Variants in SH3D19 observed in about 807,000 individuals in gnomAD.
SH3D19 encodes the protein SH3 domain containing 19.
Under a neutral mutation model 112.1 loss-of-function variants are expected in SH3D19, and 58 were observed. That is an observed-to-expected ratio of 0.52 (90% CI 0.42 to 0.64). SH3D19 has a LOEUF of 0.64. Among genes scored for constraint, SH3D19 ranks in the 30% least tolerant of loss-of-function variants. The probability of loss-of-function intolerance (pLI) is 0.00; values close to 1 mark genes in which losing one functional copy is unlikely to be tolerated. For missense variants in SH3D19, 1,090 were observed against 1,263.4 expected (o/e 0.86, Z 2.08); for synonymous variants, 391 against 448.5 (o/e 0.87, Z 1.62).
intron 4 of SH3D19, 118 bp from the exon 5 acceptor site, chr4:151,177,073 C>G: frequency 1.1e-6 from 1 of 879,800 alleles, no homozygotes; most frequent in Admixed American, 4.3e-5. Flanking sequence ...AGAACTAACA[C>G]AGTCACAGAA....
chr4:151,266,758 T>G (rs1181700449), intron 1 of SH3D19, among the ~76,000 whole-genome samples: 1 of 152,230 alleles, frequency 6.6e-6, no homozygotes, highest in African/African-American at 2.4e-5. Flanking sequence ...GTGAATTCTC[T>G]GGATAACATG....
chr4:151,280,234 A>G (rs1446950900), intron 1 of SH3D19, among the ~76,000 whole-genome samples: 1 of 151,650 alleles, frequency 6.6e-6, no homozygotes, highest in Non-Finnish European at 1.5e-5. Flanking sequence ...TTTTTGGGTC[A>G]TAAACACAAT....
At chr4:151,128,381 C>A in intron 17 of SH3D19, 25 bp from the exon 18 acceptor site, 2 of 1,565,618 alleles carry the variant, frequency 1.3e-6, no homozygotes, top group South Asian at 2.4e-5. Flanking sequence ...GAGGTGTGGT[C>A]AGAAGTGTAA....
intron 1 of SH3D19, among the ~76,000 whole-genome samples, chr4:151,288,384 G>C (rs1775021012): frequency 6.6e-6 from 1 of 152,242 alleles, no homozygotes; most frequent in East Asian, 1.9e-4. Context: ...CTAAAGGAAT[G>C]CCACCCCCAA....
chr4:151,146,735 C>T (rs1486073765), intron 11 of SH3D19, among the ~76,000 whole-genome samples: 3 of 151,960 alleles, frequency 2.0e-5, no homozygotes, highest in East Asian at 1.9e-4. Flanking sequence ...GGTTTCACCA[C>T]GTTGGCCTGG....
intron 1 of SH3D19, among the ~76,000 whole-genome samples, chr4:151,258,544 G>A (rs1309283630): frequency 6.6e-6 from 1 of 152,218 alleles, no homozygotes; most frequent in African/African-American, 2.4e-5. Context: ...TAAGCACTGA[G>A]CGAGCCCTGC....
At chr4:151,286,668 C>A (rs1340573446) in intron 1 of SH3D19, among the ~76,000 whole-genome samples, 1 of 150,690 alleles carries the variant, frequency 6.6e-6, no homozygotes, top group Non-Finnish European at 1.5e-5. Context: ...ATGAATTCTA[C>A]CAAACATTTA....
chr4:151,192,707 C>A (rs1762837854), intron 2 of SH3D19, among the ~76,000 whole-genome samples: 1 of 152,184 alleles, frequency 6.6e-6, no homozygotes, highest in African/African-American at 2.4e-5. Flanking sequence ...AACCTACAAG[C>A]CTTTGTGAAC....
rs191470485 is a variant in SH3D19 at position 151,219,971 on chromosome 4, G to A, written c.152+6076C>T. On this transcript the variant is annotated intron_variant, in intron 2 of 19. Transcript: ENST00000604030. ...CATGTCATAAGATAAATCAAATTCC[G>A]TGTAGATTAAAAATATGGATAATCA... 1.8e-4 allele frequency among the ~76,000 whole-genome samples: 27 copies of A among 152,074 alleles called. No homozygotes were observed. The South Asian group carries it at 1.9e-3, about 11-fold the overall frequency.
intron 7 of SH3D19, among the ~76,000 whole-genome samples, chr4:151,169,526 G>T (rs188822390): frequency 2.0e-5 from 3 of 152,222 alleles, no homozygotes; most frequent in African/African-American, 7.2e-5. Flanking sequence ...GGAGCCAGAG[G>T]CCTGTTTTTT....
intron 1 of SH3D19, among the ~76,000 whole-genome samples, chr4:151,256,832 C>T (rs745502408): frequency 6.6e-6 from 1 of 152,002 alleles, no homozygotes; most frequent in Non-Finnish European, 1.5e-5. Context: ...CCTCTACCTC[C>T]TGGGTTCAAG....
At chr4:151,172,748 C>G (rs1468721469) in intron 7 of SH3D19, among the ~76,000 whole-genome samples, 1 of 152,190 alleles carries the variant, frequency 6.6e-6, no homozygotes, top group Non-Finnish European at 1.5e-5. Context: ...GACTCCAAAT[C>G]TGAACAGCTA....
chr4:151,190,254 G>C (rs1762416132), intron 2 of SH3D19, among the ~76,000 whole-genome samples: 1 of 152,208 alleles, frequency 6.6e-6, no homozygotes, highest in African/African-American at 2.4e-5. Flanking sequence ...GAGCATAAAA[G>C]TTGGGGAAAT....
At chr4:151,305,349 G>T (rs1002440193) in intron 1 of SH3D19, among the ~76,000 whole-genome samples, 1 of 152,144 alleles carries the variant, frequency 6.6e-6, no homozygotes, top group African/African-American at 2.4e-5. Flanking sequence ...ATTGTTTGGG[G>T]AGCTCTTTAT....
chr4:151,139,769 C>A lies in SH3D19; in HGVS notation c.2296+6G>T, dbSNP rs755737860. The A allele has an allele frequency of 1.2e-6, 2 of 1,613,750 alleles. No homozygotes were observed. The highest frequency in any genetic ancestry group is 1.7e-6 in the Non-Finnish European group (2 of 1,179,726). On this transcript the variant is annotated splice_donor_region_variant and intron_variant, in intron 13 of 19. Transcript: ENST00000604030. ...GGTTCTCCCACTGCATTATTTACAT[C>A]CTTACCTGCTGGGAAATCATGAAGA... is the stretch of plus-strand genomic sequence containing the variant.
At chr4:151,324,259 T>A (rs1182848494) in intron 1 of SH3D19, among the ~76,000 whole-genome samples, 2 of 152,216 alleles carry the variant, frequency 1.3e-5, no homozygotes, top group African/African-American at 2.4e-5. Context: ...AGATACAATA[T>A]CTTCTCTATT....
intron 1 of SH3D19, among the ~76,000 whole-genome samples, chr4:151,237,018 T>G (rs971228293): frequency 6.6e-6 from 1 of 152,208 alleles, no homozygotes; most frequent in Non-Finnish European, 1.5e-5. Context: ...CCTTCCATAC[T>G]GTGGAAGCTT....
chr4:151,227,944 G>A, intron 1 of SH3D19: 1 of 985,366 alleles, frequency 1.0e-6, no homozygotes, highest in South Asian at 4.7e-5. Flanking sequence ...GTATCCAAGG[G>A]CTTCCCTCCA....
Position 151,251,389 on chromosome 4 carries a change from G to A in SH3D19, c.113-25303C>T, listed in dbSNP as rs1771381348. Among the ~76,000 whole-genome samples the A allele has an allele frequency of 2.6e-5, 4 of 151,844 alleles. 1 individual carries two copies. The South Asian group carries it at 8.3e-4, about 32-fold the overall frequency. Reference sequence around the variant, plus strand: ...AATTTTTGTATTTTTAGTAGAGGCAGGGGTTTCACCATGTTGGTCAGGCTG... The same window carrying A: ...AATTTTTGTATTTTTAGTAGAGGCAAGGGTTTCACCATGTTGGTCAGGCTG... On this transcript the variant is annotated intron_variant, in intron 1 of 19. Coordinates refer to ENST00000604030, the MANE Select transcript of SH3D19 (RefSeq NM_001378122.1).
Sources: gnomAD v4.1 joint callset for allele counts (sites outside exome capture counted in the v4.1 genomes callset) on GRCh38, gnomAD v4.1.1 for gene constraint, MANE v1.5 for transcripts, NCBI Gene and HGNC (gene_info 2026-07-23, HGNC 2026-07-21) for gene names.